VIT: variants seen among roughly 807,000 people sequenced by gnomAD.
VIT encodes vitrin.
VIT carries 99 observed loss-of-function variants against 78.0 expected under a neutral mutation model. That is an observed-to-expected ratio of 1.27 (90% CI 1.08 to 1.50). The LOEUF (loss-of-function observed/expected upper bound fraction) is 1.50. Ranked by LOEUF, VIT falls within the 40% of genes most tolerant of loss-of-function variation. VIT has a pLI of 0.00. For synonymous variants in VIT, 374 were observed against 334.3 expected (o/e 1.12, Z -1.29); for missense variants, 1,126 against 875.3 (o/e 1.29, Z -3.61).
At chr2:36,776,247 T>C (rs1478947567) in intron 9 of VIT, among the ~76,000 whole-genome samples, 1 of 152,192 alleles carries the variant, frequency 6.6e-6, no homozygotes, top group African/African-American at 2.4e-5. Context: ...AGACCCCGCT[T>C]TCAGAGATTC....
In VIT at chr2:36,743,265, T is replaced by A. The variant is rs1293413965; in HGVS notation, c.275+9T>A. On this transcript the variant is annotated intron_variant, in intron 4 of 15. Transcript: ENST00000379242. ...GGCGCTGCCGTACACAGGTGAGTGG[T>A]TCTGAGCTACTTAATAACTAACTAG... The A allele has an allele frequency of 6.3e-7, 1 of 1,594,468 alleles. No homozygotes were observed. The highest frequency in any genetic ancestry group is 1.7e-5 in the Admixed American group (1 of 59,590).
intron 3 of VIT, among the ~76,000 whole-genome samples, chr2:36,732,498 T>C (rs1431974873): frequency 6.6e-6 from 1 of 152,246 alleles, no homozygotes; most frequent in East Asian, 1.9e-4. Context: ...TATTTCCAAA[T>C]CATAGTCTAT....
intron 1 of VIT, among the ~76,000 whole-genome samples, chr2:36,707,316 G>A (rs1019594076): frequency 7.2e-5 from 11 of 152,052 alleles, no homozygotes; most frequent in African/African-American, 2.7e-4. Context: ...ATTTTCCTCG[G>A]CTGGACTTTT....
intron 14 of VIT, 62 bp downstream of exon 14, chr2:36,805,726 C>T (rs1340625363): frequency 1.7e-5 from 26 of 1,539,034 alleles, no homozygotes; most frequent in Middle Eastern, 2.0e-4. Flanking sequence ...AAAATTGTAA[C>T]GCCGTTGCAG....
At chr2:36,721,589 T>C (rs1666513920) in intron 2 of VIT, among the ~76,000 whole-genome samples, 1 of 152,216 alleles carries the variant, frequency 6.6e-6, no homozygotes, top group African/African-American at 2.4e-5. Context: ...CCTTTGCCTT[T>C]AGGATGCAGC....
At chr2:36,730,827 C>T (rs1214796454) in intron 3 of VIT, among the ~76,000 whole-genome samples, 2 of 152,054 alleles carry the variant, frequency 1.3e-5, no homozygotes, top group Non-Finnish European at 2.9e-5. Flanking sequence ...CGTGAAAGTC[C>T]CTAATGTGGC....
chr2:36,724,208 G>A (rs896719634), intron 2 of VIT, among the ~76,000 whole-genome samples: 34 of 151,960 alleles, frequency 2.2e-4, no homozygotes, highest in African/African-American at 7.7e-4. Context: ...TAGTAGAGAC[G>A]GGGTTTCACC....
intron 1 of VIT, among the ~76,000 whole-genome samples, chr2:36,715,081 C>T (rs1443186312): frequency 6.6e-6 from 1 of 152,174 alleles, no homozygotes; most frequent in African/African-American, 2.4e-5. Context: ...AAAGTTGACC[C>T]AGTTGCTACC....
intron 13 of VIT, among the ~76,000 whole-genome samples, chr2:36,804,585 A>G (rs1666568095): frequency 6.6e-6 from 1 of 152,176 alleles, no homozygotes; most frequent in African/African-American, 2.4e-5. Context: ...TAATCCCAGC[A>G]CTTTGGGAGG....
chr2:36,810,124 G>A (rs1388464769), intron 15 of VIT, among the ~76,000 whole-genome samples: 1 of 151,548 alleles, frequency 6.6e-6, no homozygotes, highest in Admixed American at 6.6e-5. Context: ...AAACCCCGTC[G>A]CTACTAAAAA....
intron 13 of VIT, 70 bp downstream of exon 13, chr2:36,801,474 C>G (rs1369436073): frequency 7.4e-7 from 1 of 1,343,880 alleles, no homozygotes; most frequent in Admixed American, 1.7e-5. Flanking sequence ...TGTCTTCTAA[C>G]CATTCTATAT....
In VIT at chr2:36,758,955, TC is replaced by T. The variant is rs72166909; in HGVS notation, c.410-13del. 9.4e-3 allele frequency: 15,062 copies of T among 1,605,668 alleles called. 934 individuals are homozygous for T. In the African/African-American group the frequency reaches 0.18, roughly 19 times the overall value. Reference sequence around the variant, plus strand: ...CTAGAAATAAATCTCGTTTTTTTTTTCTCTTTTTTGCAGAAAGTAAACCCAA... The same window carrying T: ...CTAGAAATAAATCTCGTTTTTTTTTTTCTTTTTTGCAGAAAGTAAACCCAA... On this transcript the variant is annotated splice_polypyrimidine_tract_variant and intron_variant, in intron 5 of 15. Transcript: ENST00000379242.
chr2:36,752,613 C>G (rs752478234), intron 4 of VIT, among the ~76,000 whole-genome samples: 1 of 152,186 alleles, frequency 6.6e-6, no homozygotes, highest in South Asian at 2.1e-4. Context: ...TGGCTCTGAG[C>G]CCCCATCTGC....
Position 36,813,412 on chromosome 2 carries a change from G to T in VIT, c.1904-771G>T, listed in dbSNP as rs115530151. 4.8e-3 allele frequency among the ~76,000 whole-genome samples: 731 copies of T among 152,204 alleles called. 5 individuals are homozygous for T. The highest frequency in any genetic ancestry group is 0.017 in the African/African-American group (705 of 41,564). On this transcript the variant is annotated intron_variant, in intron 15 of 15. Transcript: ENST00000379242. Reference sequence around the variant, plus strand: ...TGCAGTGAGTGGAGGTCACACCATTGCACTCTAGTCTGGGTGACAGAGTGA... The same window carrying T: ...TGCAGTGAGTGGAGGTCACACCATTTCACTCTAGTCTGGGTGACAGAGTGA...
chr2:36,781,844 A>G, intron 10 of VIT, 73 bp downstream of exon 10: 1 of 1,576,274 alleles, frequency 6.3e-7, no homozygotes, highest in Non-Finnish European at 8.7e-7. Flanking sequence ...AGAGTCTAAT[A>G]ATCCAGCTGG....
intron 1 of VIT, 102 bp from the exon 2 acceptor site, chr2:36,716,251 G>C (rs932634578): frequency 3.4e-6 from 3 of 879,806 alleles, no homozygotes; most frequent in African/African-American, 1.7e-5. Context: ...TAAGACTCCA[G>C]AGGGCAATGC....
intron 3 of VIT, among the ~76,000 whole-genome samples, chr2:36,740,818 T>C (rs967069923): frequency 1.3e-5 from 2 of 152,244 alleles, no homozygotes; most frequent in Admixed American, 6.5e-5. Flanking sequence ...CCCTTGTCTT[T>C]TAAACCAATT....
chr2:36,727,443 G>A (rs1043443794), intron 2 of VIT, among the ~76,000 whole-genome samples: 2 of 152,158 alleles, frequency 1.3e-5, no homozygotes. Flanking sequence ...GAAGGGCCAG[G>A]GTGCTCATCC....
chr2:36,753,909 C>T (rs964968989), intron 4 of VIT, among the ~76,000 whole-genome samples: 3 of 152,116 alleles, frequency 2.0e-5, no homozygotes, highest in Non-Finnish European at 4.4e-5. Flanking sequence ...GGTTTAAATC[C>T]CTCTTGCAAT....
Sources: gnomAD v4.1 joint callset for allele counts (sites outside exome capture counted in the v4.1 genomes callset) on GRCh38, gnomAD v4.1.1 for gene constraint, MANE v1.5 for transcripts, NCBI Gene and HGNC (gene_info 2026-07-23, HGNC 2026-07-21) for gene names.